MGAT4A: variants seen among roughly 807,000 people sequenced by gnomAD.
MGAT4A encodes the protein alpha-1,3-mannosyl-glycoprotein 4-beta-N-acetylglucosaminyltransferase A.
In MGAT4A, 33 loss-of-function variants were observed where a neutral mutation model predicts 74.1. The observed-to-expected ratio is 0.45, with a 90% CI of 0.34 to 0.60. The LOEUF (loss-of-function observed/expected upper bound fraction) is 0.60. Ranked by LOEUF, MGAT4A falls within the 20% of genes least tolerant of loss-of-function variation. MGAT4A has a pLI of 0.02. For synonymous variants in MGAT4A, 198 were observed against 210.4 expected (o/e 0.94, Z 0.51); for missense variants, 479 against 628.3 (o/e 0.76, Z 2.54).
chr2:98,634,043 T>C (rs1348000622), intron 14 of MGAT4A, among the ~76,000 whole-genome samples: 3 of 152,230 alleles, frequency 2.0e-5, no homozygotes, highest in Non-Finnish European at 4.4e-5. Flanking sequence ...ACCTACAATA[T>C]CAATTTACCA....
intron 14 of MGAT4A, among the ~76,000 whole-genome samples, chr2:98,629,479 C>T (rs1461178339): frequency 1.3e-5 from 2 of 152,066 alleles, no homozygotes; most frequent in Admixed American, 1.3e-4. Context: ...AAAAATATTG[C>T]AAAACTTGGA....
At chr2:98,657,699 A>C (rs1440282124) in intron 6 of MGAT4A, among the ~76,000 whole-genome samples, 1 of 152,208 alleles carries the variant, frequency 6.6e-6, no homozygotes, top group Non-Finnish European at 1.5e-5. Flanking sequence ...TACGCTATTG[A>C]AACTATTAAG....
At chr2:98,638,602 A>G (rs1234898961) in intron 12 of MGAT4A, among the ~76,000 whole-genome samples, 2 of 152,262 alleles carry the variant, frequency 1.3e-5, no homozygotes, top group African/African-American at 4.8e-5. Flanking sequence ...GCAGAGTATT[A>G]CTAATAGTAT....
chr2:98,634,619 G>A (rs1701289853), intron 14 of MGAT4A, among the ~76,000 whole-genome samples: 1 of 151,640 alleles, frequency 6.6e-6, no homozygotes, highest in African/African-American at 2.4e-5. Context: ...GCACAGAGCA[G>A]CCTGCCCCTC....
chr2:98,687,275 CAT>C (rs978331108), intron 2 of MGAT4A, among the ~76,000 whole-genome samples: 2 of 152,236 alleles, frequency 1.3e-5, no homozygotes, highest in African/African-American at 4.8e-5. Context: ...AAGATAACTA[CAT>C]AGTTATCTAA....
At chr2:98,706,130 G>A (rs887626510) in intron 2 of MGAT4A, among the ~76,000 whole-genome samples, 5 of 151,914 alleles carry the variant, frequency 3.3e-5, no homozygotes, top group Non-Finnish European at 5.9e-5. Flanking sequence ...ATGTATGTAG[G>A]GACAAAAAAG....
Position 98,663,073 on chromosome 2 carries a change from G to A in MGAT4A, c.510C>T (p.Asp170=), listed in dbSNP as rs758904724. 3.1e-6 allele frequency: 5 copies of A among 1,587,688 alleles called. No individual in the cohort carries two copies. Among genetic ancestry groups the A allele is most frequent in the African/African-American group, 2.7e-5 (2 of 74,274 alleles). The change falls in exon 5 of 16, where the codon GAC becomes GAT. Residue 170 remains aspartate, a synonymous_variant. Transcript: ENST00000393487. ...CTCCTATGAAGACTACTATAACACA[G>A]TCCAACTTCTCTTCAGGATACAGGT... ...IDNLYPEEKL[D]CVIVVFIGET... is the part of the protein sequence containing the mutation.
intron 2 of MGAT4A, among the ~76,000 whole-genome samples, chr2:98,704,299 C>T (rs1481938591): frequency 6.6e-6 from 1 of 152,218 alleles, no homozygotes; most frequent in African/African-American, 2.4e-5. Flanking sequence ...GTAATCCCAG[C>T]ACTTTGGGAG....
chr2:98,675,791 C>G (rs1304345334), intron 3 of MGAT4A, among the ~76,000 whole-genome samples: 6 of 152,164 alleles, frequency 3.9e-5, no homozygotes, highest in Non-Finnish European at 5.9e-5. Flanking sequence ...CTGGCTCAAG[C>G]AATCCTCCTG....
intron 12 of MGAT4A, among the ~76,000 whole-genome samples, chr2:98,636,965 T>C (rs1701330326): frequency 6.6e-6 from 1 of 152,164 alleles, no homozygotes; most frequent in Non-Finnish European, 1.5e-5. Flanking sequence ...TGCTGTATCT[T>C]ATATCAGAAA....
At chr2:98,693,479 T>G (rs1212641960) in intron 2 of MGAT4A, among the ~76,000 whole-genome samples, 2 of 152,110 alleles carry the variant, frequency 1.3e-5, no homozygotes, top group East Asian at 3.8e-4. Context: ...TGGTTCTCAA[T>G]GTAAAAGAAA....
Position 98,640,127 on chromosome 2 carries a change from T to A in MGAT4A, c.1122A>T (p.Lys374Asn). The stretch of plus-strand genomic sequence containing the variant: ...ATAAAATTAAGTCACCAACCGTGAG[T>A]TTTTGGATTTTTCCTGATAGTGATG... ...LHSSLSGKIQKLTDKDYMKPL... is the reference protein window; with the variant it reads ...LHSSLSGKIQNLTDKDYMKPL... Residue 374 changes from lysine to asparagine, a missense_variant, in exon 11 of 16, where the codon AAA (lysine) becomes AAT (asparagine). By Grantham distance (94) the Lys-to-Asn change is moderately conservative. Coordinates refer to ENST00000393487, the MANE Select transcript of MGAT4A (RefSeq NM_012214.3). 1 of 1,603,746 alleles carries A rather than the reference T, an allele frequency of 6.2e-7. No individual in the cohort carries two copies. The highest frequency in any genetic ancestry group is 1.1e-5 in the South Asian group (1 of 88,128).
rs887357218 is a variant in MGAT4A, at chr2:98,726,555, G to A, written c.-223C>T. 2.4e-6 allele frequency: 1 copy of A among 418,402 alleles called. No individual in the cohort carries two copies. The highest frequency in any genetic ancestry group is 3.4e-5 in the East Asian group (1 of 29,528). The allele number at this position is 418,402 out of a possible 1,614,324, so 25.9% of individuals were successfully genotyped here. On this transcript the variant is annotated 5_prime_UTR_variant, in exon 2 of 16. Coordinates refer to ENST00000393487, the MANE Select transcript of MGAT4A (RefSeq NM_012214.3). The stretch of plus-strand genomic sequence containing the variant: ...GCGGTCTTCACACGCTGATGCCTCG[G>A]CCTTTTCCCTTCCTATTCAGGGGAA...
intron 5 of MGAT4A, 109 bp from the exon 6 acceptor site, chr2:98,658,373 C>T: frequency 4.7e-6 from 3 of 635,768 alleles, no homozygotes; most frequent in Non-Finnish European, 8.0e-6. Context: ...TAAAACCATA[C>T]ATTAAATTTT....
In MGAT4A at chr2:98,624,410, T is replaced by C; in HGVS notation, c.*1156A>G. 1 of 955,834 alleles carries C rather than the reference T, an allele frequency of 1.0e-6. No homozygotes were observed. The highest frequency in any genetic ancestry group is 1.2e-6 in the Non-Finnish European group (1 of 803,150). 59.2% of individuals were successfully genotyped at this position (955,834 alleles called of 1,614,324 possible). ...AGTAGTAATATCATTTGGAATAGCG[T>C]GTTTAAGAGTAATAAATACAGTCTC... On this transcript the variant is annotated 3_prime_UTR_variant, in exon 16 of 16. Coordinates refer to ENST00000393487, the MANE Select transcript of MGAT4A (RefSeq NM_012214.3).
chr2:98,719,076 G>A (rs1056414208), intron 2 of MGAT4A, among the ~76,000 whole-genome samples: 6 of 152,180 alleles, frequency 3.9e-5, no homozygotes, highest in Non-Finnish European at 8.8e-5. Flanking sequence ...GTGAGAGAAT[G>A]GGGAGAATTG....
chr2:98,637,645 T>C (rs921492419), intron 12 of MGAT4A, among the ~76,000 whole-genome samples: 1 of 152,178 alleles, frequency 6.6e-6, no homozygotes, highest in African/African-American at 2.4e-5. Context: ...AACCTAACTC[T>C]AGTTCAGTTG....
intron 14 of MGAT4A, among the ~76,000 whole-genome samples, chr2:98,630,683 G>A (rs930486779): frequency 6.6e-6 from 1 of 152,166 alleles, no homozygotes; most frequent in Non-Finnish European, 1.5e-5. Context: ...TATCATTTGT[G>A]TGTGACGATG....
chr2:98,667,362 A>G (rs942962453), intron 4 of MGAT4A, among the ~76,000 whole-genome samples: 5 of 152,186 alleles, frequency 3.3e-5, no homozygotes, highest in African/African-American at 1.2e-4. Flanking sequence ...CAGAGGCTGG[A>G]ACAGTTTGGA....
Sources: allele counts gnomAD v4.1 joint callset (sites outside exome capture counted in the v4.1 genomes callset), GRCh38; gene constraint gnomAD v4.1.1; transcripts MANE v1.5; gene names NCBI Gene and HGNC (gene_info 2026-07-23, HGNC 2026-07-21).